Variants in CPB1 observed in about 807,000 individuals in gnomAD.
The protein encoded by CPB1 is carboxypeptidase B.
In CPB1, 53 loss-of-function variants were observed where a neutral mutation model predicts 51.4. That is an observed-to-expected ratio of 1.03 (90% CI 0.83 to 1.30). The LOEUF (loss-of-function observed/expected upper bound fraction) is 1.30. CPB1 is among the 50% of genes most tolerant of loss of function. The pLI, the probability that CPB1 is intolerant of heterozygous loss-of-function variation, is 0.00. For missense variants in CPB1, 494 were observed against 516.2 expected (o/e 0.96, Z 0.42); for synonymous variants, 189 against 186.9 (o/e 1.01, Z -0.09).
intron 3 of CPB1, among the ~76,000 whole-genome samples, chr3:148,837,820 T>TA (rs1434192472): frequency 6.6e-6 from 1 of 152,098 alleles, no homozygotes; most frequent in East Asian, 1.9e-4. Flanking sequence ...TCAATTTAAC[T>TA]AACTGGTTTT....
intron 1 of CPB1, 46 bp from the exon 2 acceptor site, chr3:148,827,956 A>T: frequency 6.2e-7 from 1 of 1,612,136 alleles, no homozygotes; most frequent in Non-Finnish European, 8.5e-7. Flanking sequence ...ATTTGGACAC[A>T]TTACTCATTT....
chr3:148,849,361 G>T (rs1406751106), intron 9 of CPB1, among the ~76,000 whole-genome samples: 2 of 152,130 alleles, frequency 1.3e-5, no homozygotes, highest in African/African-American at 2.4e-5. Flanking sequence ...ACCGTCAAAG[G>T]AAGTTTTGAG....
intron 9 of CPB1, among the ~76,000 whole-genome samples, chr3:148,847,372 T>TAAAAAAA (rs3043983): frequency 9.2e-5 from 8 of 86,700 alleles, no homozygotes; most frequent in Non-Finnish European, 1.5e-4. Context: ...AAATCATTCT[T>TAAAAAAA]AAAAAAAAAA....
At chr3:148,846,797 G>GTGTATATATATATATATATA (rs1364486523) in intron 9 of CPB1, among the ~76,000 whole-genome samples, 1 of 50,536 alleles carries the variant, frequency 2.0e-5, no homozygotes, top group Non-Finnish European at 4.3e-5. Flanking sequence ...GTGTGCGTGT[G>GTGTATATATATATATATATA]TATATATATA....
At chr3:148,842,034 G>T in intron 6 of CPB1, 110 bp downstream of exon 6, 3 of 849,516 alleles carry the variant, frequency 3.5e-6, no homozygotes, top group Non-Finnish European at 5.5e-6. Context: ...ACAATTACAA[G>T]TGCCCAATTT....
rs1287993586 is a variant in CPB1, at chr3:148,845,293, TA to T, written c.779-129del. 4.5e-6 allele frequency: 3 copies of T among 664,852 alleles called. No homozygotes were observed. In the African/African-American group the frequency reaches 5.5e-5, roughly 12 times the overall value. The allele number at this position is 664,852 out of a possible 1,614,324, so 41.2% of individuals were successfully genotyped here. On this transcript the variant is annotated intron_variant, in intron 8 of 10. Coordinates refer to ENST00000282957, the MANE Select transcript of CPB1 (RefSeq NM_001871.3). ...GATATTTTACTATATAATATATACATAATAGGGACAACTTTAAGGACTCCTT... is the reference window on the plus strand; with the variant it reads ...GATATTTTACTATATAATATATACATATAGGGACAACTTTAAGGACTCCTT...
At chr3:148,852,853 T>C (rs1713471471) in intron 9 of CPB1, among the ~76,000 whole-genome samples, 1 of 152,196 alleles carries the variant, frequency 6.6e-6, no homozygotes, top group Non-Finnish European at 1.5e-5. Flanking sequence ...TCGGCAGGCC[T>C]GGTTCTCCTA....
rs780914999 is a variant in CPB1 at position 148,845,493 on chromosome 3, C to G, written c.848C>G (p.Thr283Ser). 1.1e-5 allele frequency: 17 copies of G among 1,613,794 alleles called. No homozygotes were observed. The African/African-American group carries it at 1.9e-4, about 18-fold the overall frequency. ...CGPAAESEKE[T>S]KALADFIRNK... ...CCTGCCGCAGAGTCTGAAAAGGAGA[C>G]CAAGGCCCTGGCTGATTTCATCCGC... Residue 283 changes from threonine (T) to serine (S), a missense_variant, in exon 9 of 11, where the codon ACC becomes AGC. Physicochemically the swap from Thr to Ser is moderately conservative, Grantham distance 58. Coordinates refer to ENST00000282957, the MANE Select transcript of CPB1 (RefSeq NM_001871.3).
At position 148,840,798 on chromosome 3, in the gene CPB1, C is replaced by T; in HGVS notation, c.372+13C>T. 1 of 1,613,582 alleles carries T rather than the reference C, an allele frequency of 6.2e-7. No homozygotes were observed. Among genetic ancestry groups the T allele is most frequent in the South Asian group, 1.1e-5 (1 of 91,066 alleles). On this transcript the variant is annotated intron_variant, in intron 4 of 10. Coordinates refer to ENST00000282957, the MANE Select transcript of CPB1 (RefSeq NM_001871.3). The stretch of plus-strand genomic sequence containing the variant: ...CAAGTGGGAAACGGTATGATGTGCA[C>T]ATGATTTAGACAGATATTACTTTGG...
At chr3:148,846,233 C>T (rs997943294) in intron 9 of CPB1, among the ~76,000 whole-genome samples, 1 of 152,036 alleles carries the variant, frequency 6.6e-6, no homozygotes, top group African/African-American at 2.4e-5. Context: ...AAAAAGCTAG[C>T]AATCTTATTG....
At chr3:148,843,924 C>CA (rs910261404) in intron 6 of CPB1, among the ~76,000 whole-genome samples, 1 of 152,116 alleles carries the variant, frequency 6.6e-6, no homozygotes. Context: ...AGAGCCTCCC[C>CA]AAAATCCATG....
Position 148,857,441 on chromosome 3 carries a change from C to T in CPB1, c.982-16C>T, listed in dbSNP as rs750174277. ...GCTTTTATTTATTTCCTTACTTATTCCTGTTTCTTTTGCAGAATGCCCTGG... is the reference window on the plus strand; with the variant it reads ...GCTTTTATTTATTTCCTTACTTATTTCTGTTTCTTTTGCAGAATGCCCTGG... On this transcript the variant is annotated splice_polypyrimidine_tract_variant and intron_variant, in intron 9 of 10. Transcript: ENST00000282957. 2.9e-5 allele frequency: 47 copies of T among 1,605,802 alleles called. No homozygotes were observed. Among genetic ancestry groups the T allele is most frequent in the Non-Finnish European group, 4.0e-5 (47 of 1,172,818 alleles).
At chr3:148,859,119 T>C (rs181698434) in intron 10 of CPB1, among the ~76,000 whole-genome samples, 297 of 152,302 alleles carry the variant, frequency 2.0e-3, no homozygotes, top group Non-Finnish European at 3.3e-3. Context: ...AGGCTTCTTT[T>C]TCCATTACAC....
intron 9 of CPB1, among the ~76,000 whole-genome samples, chr3:148,853,800 T>C (rs1294949704): frequency 6.6e-6 from 1 of 152,254 alleles, no homozygotes; most frequent in Non-Finnish European, 1.5e-5. Context: ...CAGCCACTTA[T>C]GGGGCTGTGT....
intron 9 of CPB1, chr3:148,850,977 G>A (rs1005169314): frequency 6.6e-6 from 1 of 152,186 alleles, no homozygotes; most frequent in Admixed American, 6.5e-5. Flanking sequence ...TGCTCTTTAA[G>A]TGACTTCTTG....
At chr3:148,844,380 CT>C in intron 6 of CPB1, 97 bp from the exon 7 acceptor site, 1 of 817,566 alleles carries the variant, frequency 1.2e-6, no homozygotes, top group Non-Finnish European at 2.0e-6. Flanking sequence ...GGAAATGCTG[CT>C]CTTATTACCA....
chr3:148,842,779 G>C (rs1474238239), intron 6 of CPB1, among the ~76,000 whole-genome samples: 85 of 152,220 alleles, frequency 5.6e-4, no homozygotes, highest in African/African-American at 1.9e-3. Flanking sequence ...ACTTAGAGTG[G>C]ATAAACCTAG....
intron 2 of CPB1, among the ~76,000 whole-genome samples, chr3:148,831,272 G>A (rs1712728417): frequency 6.6e-6 from 1 of 152,068 alleles, no homozygotes; most frequent in Admixed American, 6.6e-5. Flanking sequence ...CTCTATGCCT[G>A]GAGTAACATG....
chr3:148,840,480 C>G (rs1176590027), intron 3 of CPB1, among the ~76,000 whole-genome samples: 2 of 152,160 alleles, frequency 1.3e-5, no homozygotes, highest in African/African-American at 2.4e-5. Flanking sequence ...CAGTATCCTT[C>G]TTAGTGACTT....
Sources: allele counts gnomAD v4.1 joint callset (sites outside exome capture counted in the v4.1 genomes callset), GRCh38; gene constraint gnomAD v4.1.1; transcripts MANE v1.5; gene names NCBI Gene and HGNC (gene_info 2026-07-23, HGNC 2026-07-21).